Variants in GRIP1 observed in about 807,000 individuals in gnomAD.
GRIP1 encodes the protein glutamate receptor interacting protein 1.
In GRIP1, 45 loss-of-function variants were observed where a neutral mutation model predicts 129.9. That is an observed-to-expected ratio of 0.35 (90% confidence interval 0.27 to 0.44). The LOEUF (loss-of-function observed/expected upper bound fraction) is 0.44, where lower values mean the gene tolerates loss of function less well. Among genes scored for constraint, GRIP1 ranks in the 20% least tolerant of loss-of-function variants. The probability of loss-of-function intolerance (pLI) is 1.00; values close to 1 mark genes in which losing one functional copy is unlikely to be tolerated. For missense variants in GRIP1, 1,196 were observed against 1,396.8 expected (o/e 0.86, Z 2.29); for synonymous variants, 530 against 520.8 (o/e 1.02, Z -0.24).
At chr12:66,997,669 G>T (rs76867350) in intron 1 of GRIP1, among the ~76,000 whole-genome samples, 1 of 152,134 alleles carries the variant, frequency 6.6e-6, no homozygotes, top group African/African-American at 2.4e-5. Flanking sequence ...GGATATTGTT[G>T]ACGCAGAAAC....
chr12:66,443,693 T>C (rs2058535525), intron 13 of GRIP1, among the ~76,000 whole-genome samples: 1 of 152,050 alleles, frequency 6.6e-6, no homozygotes. Context: ...TGATCTCAGG[T>C]GATCCACCTA....
chr12:66,468,046 T>A (rs1237726993), intron 7 of GRIP1, among the ~76,000 whole-genome samples: 1 of 152,226 alleles, frequency 6.6e-6, no homozygotes, highest in African/African-American at 2.4e-5. Flanking sequence ...CTTCTCTTCT[T>A]TTGTCAGTAA....
intron 5 of GRIP1, among the ~76,000 whole-genome samples, chr12:66,526,667 A>C (rs1359936417): frequency 6.6e-6 from 1 of 151,936 alleles, no homozygotes; most frequent in Non-Finnish European, 1.5e-5. Context: ...ACAAAAGCCA[A>C]AATTGACAAA....
intron 1 of GRIP1, among the ~76,000 whole-genome samples, chr12:66,948,520 A>G (rs2041706428): frequency 6.6e-6 from 1 of 152,214 alleles, no homozygotes; most frequent in Admixed American, 6.5e-5. Flanking sequence ...CTCATAGAAG[A>G]AGATTATGAG....
intron 2 of GRIP1, among the ~76,000 whole-genome samples, chr12:66,556,300 A>C (rs2062331148): frequency 6.6e-6 from 1 of 152,128 alleles, no homozygotes; most frequent in Non-Finnish European, 1.5e-5. Flanking sequence ...AAGAAAAAAA[A>C]CTTTTATCCT....
rs1390928000 is a variant in GRIP1 at position 66,512,656 on chromosome 12, TA to T, written c.724+2962del. ...AAAGCACCTCCAACTGAAAAATGAATAAAGGACATAAATGACAACAGAAAAT... is the reference window on the plus strand; with the variant it reads ...AAAGCACCTCCAACTGAAAAATGAATAAGGACATAAATGACAACAGAAAAT... On this transcript the variant is annotated intron_variant, in intron 7 of 24. Transcript: ENST00000359742. 2.0e-5 allele frequency among the ~76,000 whole-genome samples: 3 copies of T among 149,998 alleles called. No homozygotes were observed. In the East Asian group the frequency reaches 5.8e-4, roughly 29 times the overall value.
At chr12:67,004,618 C>T (rs896650361) in intron 1 of GRIP1, among the ~76,000 whole-genome samples, 2 of 152,032 alleles carry the variant, frequency 1.3e-5, no homozygotes, top group East Asian at 1.9e-4. Context: ...GCAATCCATC[C>T]ATGACCCTGG....
chr12:66,352,120 T>G (rs932775915), intron 24 of GRIP1, among the ~76,000 whole-genome samples: 3 of 152,164 alleles, frequency 2.0e-5, no homozygotes, highest in African/African-American at 7.2e-5. Flanking sequence ...GAACTGAGAA[T>G]AGAGTGGAGA....
intron 13 of GRIP1, among the ~76,000 whole-genome samples, chr12:66,434,607 T>C (rs919048898): frequency 4.6e-5 from 7 of 152,242 alleles, no homozygotes; most frequent in Non-Finnish European, 7.3e-5. Context: ...CTTTACTTCC[T>C]GACTTCAGGA....
At chr12:66,500,139 C>T (rs1455721277) in intron 7 of GRIP1, among the ~76,000 whole-genome samples, 1 of 152,032 alleles carries the variant, frequency 6.6e-6, no homozygotes, top group African/African-American at 2.4e-5. Flanking sequence ...CTATATGTGC[C>T]AAAAATGTGT....
intron 1 of GRIP1, among the ~76,000 whole-genome samples, chr12:66,675,385 CAG>C (rs1319901105): frequency 6.6e-6 from 1 of 152,120 alleles, no homozygotes; most frequent in Non-Finnish European, 1.5e-5. Flanking sequence ...GAGCAAGCAG[CAG>C]AGTCACATCC....
chr12:66,511,178 G>A (rs1227364968), intron 7 of GRIP1, among the ~76,000 whole-genome samples: 2 of 150,066 alleles, frequency 1.3e-5, no homozygotes, highest in Non-Finnish European at 2.9e-5. Flanking sequence ...ATAAAGGAGA[G>A]TTTCCCTGCA....
intron 19 of GRIP1, among the ~76,000 whole-genome samples, chr12:66,384,149 C>T (rs17102438): frequency 0.085 from 12,990 of 152,162 alleles, 1,464 homozygotes; most frequent in African/African-American, 0.25. Flanking sequence ...TGATTGGTAA[C>T]CAGTTCAGTT....
At chr12:66,959,717 A>G (rs1432165304) in intron 1 of GRIP1, among the ~76,000 whole-genome samples, 2 of 152,110 alleles carry the variant, frequency 1.3e-5, no homozygotes, top group Non-Finnish European at 2.9e-5. Flanking sequence ...CCACTTTCTT[A>G]TTTCTTAGGC....
intron 7 of GRIP1, among the ~76,000 whole-genome samples, chr12:66,476,231 T>C (rs925695777): frequency 6.6e-6 from 1 of 152,132 alleles, no homozygotes; most frequent in African/African-American, 2.4e-5. Context: ...GAGAATACTA[T>C]AAACACCTCT....
Position 66,678,980 on chromosome 12 carries a change from A to C in GRIP1, c.-76T>G. ...GTGGCTGCAGCAGCAGCAGCATATGAATTCCTTGCGCACATACCAGGAGAA... is the reference window on the plus strand; with the variant it reads ...GTGGCTGCAGCAGCAGCAGCATATGCATTCCTTGCGCACATACCAGGAGAA... On this transcript the variant is annotated 5_prime_UTR_variant, in exon 1 of 25. In the 5' UTR this introduces an upstream ATG that the reference lacks. Transcript: ENST00000359742. 6.2e-7 allele frequency: 1 copy of C among 1,609,192 alleles called. No homozygotes were observed. Among genetic ancestry groups the C allele is most frequent in the Non-Finnish European group, 8.5e-7 (1 of 1,177,320 alleles).
rs397514486 is a variant in GRIP1, at chr12:66,455,422, GTCTT to G, written c.1337_1340del (p.Lys446ThrfsTer8). 6.2e-7 allele frequency: 1 copy of G among 1,614,160 alleles called. No homozygotes were observed. Among genetic ancestry groups the G allele is most frequent in the Non-Finnish European group, 8.5e-7 (1 of 1,179,994 alleles). On this transcript the variant is annotated frameshift_variant, in exon 11 of 25. Transcript: ENST00000359742. LOFTEE classifies it high-confidence loss of function. ...CATTTCACTTACATGAGCTTTTGAA[GTCTT>G]TCTTTTTCAGTCTCCTCCTCATCAT...
At chr12:66,864,658 C>A (rs1004576061) in intron 1 of GRIP1, among the ~76,000 whole-genome samples, 1 of 152,114 alleles carries the variant, frequency 6.6e-6, no homozygotes, top group Non-Finnish European at 1.5e-5. Context: ...CTCAAGGTTG[C>A]AGTGAGCTAT....
At chr12:66,767,922 C>T (rs931183750) in intron 1 of GRIP1, among the ~76,000 whole-genome samples, 1 of 152,162 alleles carries the variant, frequency 6.6e-6, no homozygotes, top group African/African-American at 2.4e-5. Flanking sequence ...GTTAAAACAA[C>T]CACAGTCCTC....
Sources: allele counts gnomAD v4.1 joint callset (sites outside exome capture counted in the v4.1 genomes callset), GRCh38; gene constraint gnomAD v4.1.1; transcripts MANE v1.5; gene names NCBI Gene and HGNC (gene_info 2026-07-23, HGNC 2026-07-21).